Variants in SYNE1 observed in about 807,000 individuals in gnomAD.
The protein encoded by SYNE1 is nesprin-1.
In SYNE1, 616 loss-of-function variants were observed where a neutral mutation model predicts 1,111.0. That is an observed-to-expected ratio of 0.55 (90% CI 0.52 to 0.59). The LOEUF (loss-of-function observed/expected upper bound fraction) is 0.59, where lower values mean the gene tolerates loss of function less well. SYNE1 is among the 20% of genes least tolerant of loss of function. The pLI is 0.00. For missense variants in SYNE1, 10,006 were observed against 10,417.0 expected (o/e 0.96, Z 1.72); for synonymous variants, 3,855 against 3,825.8 (o/e 1.01, Z -0.28).
intron 127 of SYNE1, among the ~76,000 whole-genome samples, chr6:152,192,160 C>G (rs1256257096): frequency 6.6e-6 from 1 of 152,138 alleles, no homozygotes; most frequent in African/African-American, 2.4e-5. Context: ...TGTTTTGTGG[C>G]CTAACATATA....
chr6:152,203,827 A>G (rs1449461373), intron 126 of SYNE1, among the ~76,000 whole-genome samples: 3 of 150,654 alleles, frequency 2.0e-5, no homozygotes, highest in East Asian at 3.9e-4. Context: ...CCTCTTCCCA[A>G]TTACCAGAAA....
chr6:152,184,637 TAGATAGATAGATAGATAG>T (rs2069203046), intron 128 of SYNE1, among the ~76,000 whole-genome samples: 2 of 125,124 alleles, frequency 1.6e-5, no homozygotes, highest in Admixed American at 7.9e-5. Context: ...CATATATAGA[TAGATAGATAGATAGATAG>T]ATAGATAGAT....
At position 152,231,432 on chromosome 6, in the gene SYNE1, T is replaced by A. The variant is rs1157402789; in HGVS notation, c.20998A>T (p.Asn7000Tyr). ...CCTTGCAGAATTTGCCAACTTTTAT[T>A]CATTGCTCCAAGTTGCTCAGCAAAA... Reference protein sequence around the residue: ...TDFAEQLGAMNKSWQILQGLV... With the variant: ...TDFAEQLGAMYKSWQILQGLV... The change falls in exon 114 of 146, where the codon AAT becomes TAT. Residue 7000 changes from asparagine (N) to tyrosine (Y), a missense_variant. By Grantham distance (143) the Asn-to-Tyr change is moderately radical (BLOSUM62 -2). Around this residue, in one of 7 missense-constraint regions of SYNE1, gnomAD observed 2,182 missense variants for 2,287.8 expected, o/e 0.95. Coordinates refer to ENST00000367255, the MANE Select transcript of SYNE1 (RefSeq NM_182961.4). The A allele has an allele frequency of 5.6e-6, 9 of 1,614,068 alleles. No individual in the cohort carries two copies. Among genetic ancestry groups the A allele is most frequent in the East Asian group, 4.5e-5 (2 of 44,892 alleles).
chr6:152,527,391 G>C (rs2099168500), intron 4 of SYNE1, among the ~76,000 whole-genome samples: 1 of 152,114 alleles, frequency 6.6e-6, no homozygotes, highest in South Asian at 2.1e-4. Flanking sequence ...AAAAATAACA[G>C]AGTTTTCATT....
At chr6:152,413,708 C>T (rs1251141235) in intron 41 of SYNE1, among the ~76,000 whole-genome samples, 177 bp from the exon 42 acceptor site, 1 of 152,026 alleles carries the variant, frequency 6.6e-6, no homozygotes, top group Non-Finnish European at 1.5e-5. Context: ...GTTAATTTTG[C>T]AAAATAACTC....
At chr6:152,615,925 G>A (rs1164980721) in intron 3 of SYNE1, among the ~76,000 whole-genome samples, 1 of 152,176 alleles carries the variant, frequency 6.6e-6, no homozygotes, top group East Asian at 1.9e-4. Context: ...TTTCACCGGT[G>A]TTTTTGTATG....
intron 10 of SYNE1, among the ~76,000 whole-genome samples, chr6:152,501,728 C>G (rs1177486268): frequency 6.7e-6 from 1 of 149,654 alleles, no homozygotes; most frequent in African/African-American, 2.5e-5. Context: ...GAGCAAGACT[C>G]CATCTCACAA....
rs1370554172 is a variant in SYNE1 at position 152,221,699 on chromosome 6, T to C, written c.21523-140A>G. 8 of 1,094,972 alleles carry C rather than the reference T, an allele frequency of 7.3e-6. No homozygotes were observed. In the Admixed American group the frequency reaches 1.5e-4, roughly 21 times the overall value. 67.8% of individuals were successfully genotyped at this position (1,094,972 alleles called of 1,614,324 possible). A position where few individuals can be genotyped will look rare whatever the true frequency, so the allele number is the denominator to read the frequency against. On this transcript the variant is annotated intron_variant, in intron 117 of 145. Coordinates refer to ENST00000367255, the MANE Select transcript of SYNE1 (RefSeq NM_182961.4). ...GGCATGACTTAGCACCAATGCTTTA[T>C]CAGCTTTCTTTAGATAATCATTTAT...
intron 93 of SYNE1, 93 bp from the exon 94 acceptor site, chr6:152,294,220 T>C: frequency 9.2e-7 from 1 of 1,083,198 alleles, no homozygotes; most frequent in South Asian, 2.5e-5. Context: ...AGGAAAGGTT[T>C]CAGATCTACA....
chr6:152,249,017 T>G, intron 105 of SYNE1, 144 bp downstream of exon 105: 1 of 685,684 alleles, frequency 1.5e-6, no homozygotes, highest in Non-Finnish European at 2.7e-6. Flanking sequence ...GGTATGTTAT[T>G]CAAACCCAGT....
At chr6:152,453,328 A>G (rs566842711) in intron 25 of SYNE1, 1 of 601,314 alleles carries the variant, frequency 1.7e-6, no homozygotes, top group East Asian at 2.8e-5. Context: ...TGCACCCTGG[A>G]TTAAAAAAAA....
intron 87 of SYNE1, chr6:152,311,115 G>C: frequency 1.8e-6 from 1 of 541,030 alleles, no homozygotes; most frequent in South Asian, 2.0e-5. Flanking sequence ...TACTACGTGT[G>C]GGACCATGAA....
In SYNE1 at chr6:152,416,917, G is replaced by A. The variant is rs373103077; in HGVS notation, c.5520C>T (p.His1840=). ...LGSLGRAEDL[H]LLQGKAEDCF... ...AGTCCTCAGCCTTTCCCTGCAGGAG[G>A]TGGAGGTCCTCAGCACGGCCCAGAG... is the stretch of plus-strand genomic sequence containing the variant. The change falls in exon 41 of 146, where the codon CAC becomes CAT. Residue 1840 remains histidine (H), a synonymous_variant. Transcript: ENST00000367255. 1.8e-5 allele frequency: 29 copies of A among 1,613,992 alleles called. No individual in the cohort carries two copies. The highest frequency in any genetic ancestry group is 2.5e-5 in the Non-Finnish European group (29 of 1,180,010).
At chr6:152,141,106 G>A in intron 139 of SYNE1, 97 bp downstream of exon 139, 1 of 1,542,068 alleles carries the variant, frequency 6.5e-7, no homozygotes, top group East Asian at 2.3e-5. Flanking sequence ...GAACGGTGTA[G>A]AAGAAGGCCA....
intron 13 of SYNE1, 103 bp from the exon 14 acceptor site, chr6:152,483,352 T>C: frequency 4.0e-6 from 4 of 994,800 alleles, no homozygotes; most frequent in Non-Finnish European, 6.2e-6. Flanking sequence ...TTTAAGTTAA[T>C]GATTTCAGGC....
chr6:152,543,311 A>G (rs982115453), intron 3 of SYNE1, among the ~76,000 whole-genome samples: 2 of 152,156 alleles, frequency 1.3e-5, no homozygotes, highest in African/African-American at 4.8e-5. Context: ...TGTATTATCA[A>G]ACGTAGTCAG....
chr6:152,560,692 A>T (rs2099392443), intron 3 of SYNE1, among the ~76,000 whole-genome samples: 1 of 152,188 alleles, frequency 6.6e-6, no homozygotes, highest in South Asian at 2.1e-4. Context: ...TCAATGAAAC[A>T]CTAGCAAACC....
At chr6:152,460,892 A>G (rs1156545571) in intron 21 of SYNE1, among the ~76,000 whole-genome samples, 1 of 141,692 alleles carries the variant, frequency 7.1e-6, no homozygotes, top group Non-Finnish European at 1.5e-5. Context: ...GGCTCACTGC[A>G]ACCTCTGCCT....
Position 152,297,781 on chromosome 6 carries a change from C to CTGTGTGTG in SYNE1, c.17682+2852_17682+2859dup, listed in dbSNP as rs377152081. ...ATAATTTTTTTCTGGCAGTCTCACT[C>CTGTGTGTG]TGTGTGTGTGTGTGTGTGTGTGTGT... On this transcript the variant is annotated intron_variant, in intron 93 of 145. Coordinates refer to ENST00000367255, the MANE Select transcript of SYNE1 (RefSeq NM_182961.4). Among the ~76,000 whole-genome samples the CTGTGTGTG allele has an allele frequency of 5.0e-5, 6 of 119,784 alleles. 1 individual carries two copies. Among genetic ancestry groups the CTGTGTGTG allele is most frequent in the South Asian group, 3.0e-4 (1 of 3,356 alleles). The allele number at this position is 119,784 out of a possible 152,430, so 78.6% of individuals were successfully genotyped here.
Sources: allele counts gnomAD v4.1 joint callset (sites outside exome capture counted in the v4.1 genomes callset), GRCh38; gene constraint gnomAD v4.1.1; regional missense constraint gnomAD v4.1.1; transcripts MANE v1.5; gene names NCBI Gene and HGNC (gene_info 2026-07-23, HGNC 2026-07-21).